CCNB3: variants seen among roughly 807,000 people sequenced by gnomAD.
The protein encoded by CCNB3 is cyclin B3, also known as G2/mitotic-specific cyclin-B3.
Under a neutral mutation model 68.0 loss-of-function variants are expected in CCNB3, and 12 were observed. That is an observed-to-expected ratio of 0.18 (90% CI 0.11 to 0.29). The LOEUF (loss-of-function observed/expected upper bound fraction) is 0.29, where lower values mean the gene tolerates loss of function less well. Ranked by LOEUF, CCNB3 falls within the 10% of genes least tolerant of loss-of-function variation. The pLI is 1.00. For missense variants in CCNB3, 904 were observed against 993.1 expected, an observed-to-expected ratio of 0.91 and a Z score of 1.21; for synonymous variants, 354 against 388.9, an observed-to-expected ratio of 0.91 and a Z score of 1.06.
chrX:50,209,589 C>G (rs1310731053), intron 1 of CCNB3, among the ~76,000 whole-genome samples: 85 of 111,823 alleles, frequency 7.6e-4, no homozygotes, highest in Non-Finnish European at 7.9e-4. Flanking sequence ...CTCCTGACCT[C>G]AAGTGATCCA....
At chrX:50,319,865 A>G (rs1557216323) in intron 8 of CCNB3, among the ~76,000 whole-genome samples, 1 of 111,619 alleles carries the variant, frequency 9.0e-6, no homozygotes, top group Non-Finnish European at 1.9e-5. Context: ...TCCTGCATCT[A>G]TTGATTTTTT....
chrX:50,321,278 G>A (rs191685007), intron 8 of CCNB3, among the ~76,000 whole-genome samples: 2 of 111,834 alleles, frequency 1.8e-5, no homozygotes, highest in East Asian at 2.8e-4. Flanking sequence ...AAATTTTAAT[G>A]TGTTATTTTA....
At position 50,287,997 on chromosome X, in the gene CCNB3, G is replaced by A. The variant is rs1041884629; in HGVS notation, c.97-783G>A. 1.2e-4 allele frequency among the ~76,000 whole-genome samples: 13 copies of A among 107,753 alleles called. 1 individual carries two copies. The highest frequency in any genetic ancestry group is 2.4e-4 in the African/African-American group (7 of 29,284). The allele number at this position is 107,753 out of a possible 115,157, so 93.6% of individuals were successfully genotyped here. ...CTCATGCGAGGGATCAAGGTTGCGC[G>A]CTCCTTATGAGAATCTAATGCCTTA... is the stretch of plus-strand genomic sequence containing the variant. On this transcript the variant is annotated intron_variant, in intron 3 of 12. Coordinates refer to ENST00000376042, the MANE Select transcript of CCNB3 (RefSeq NM_033031.3).
intron 5 of CCNB3, among the ~76,000 whole-genome samples, chrX:50,304,420 T>C (rs1936714421): frequency 8.9e-6 from 1 of 111,906 alleles, no homozygotes; most frequent in Non-Finnish European, 1.9e-5. Context: ...CCCTATTTAA[T>C]AAATGGTGCT....
At chrX:50,340,951 A>G (rs782538335) in intron 8 of CCNB3, among the ~76,000 whole-genome samples, 1 of 112,296 alleles carries the variant, frequency 8.9e-6, no homozygotes, top group South Asian at 3.7e-4. Flanking sequence ...ACAAATGAAA[A>G]TAGAAATACA....
chrX:50,311,509 C>T lies in CCNB3; in HGVS notation c.3327+13C>T. 1 of 1,113,892 alleles carries T rather than the reference C, an allele frequency of 9.0e-7. No homozygotes were observed. Among genetic ancestry groups the T allele is most frequent in the Non-Finnish European group, 1.2e-6 (1 of 820,724 alleles). 91.8% of individuals were successfully genotyped at this position (1,113,892 alleles called of 1,213,427 possible). The stretch of plus-strand genomic sequence containing the variant: ...AACACCAAAGGAGGTATTCATCTCC[C>T]TTTCTTCTTAAATTAGATAAATTGT... On this transcript the variant is annotated intron_variant, in intron 6 of 12. Transcript: ENST00000376042.
chrX:50,284,320 G>A (rs908726634), intron 1 of CCNB3, among the ~76,000 whole-genome samples: 4 of 110,960 alleles, frequency 3.6e-5, no homozygotes, highest in Admixed American at 2.9e-4. Flanking sequence ...CTATGTAAAC[G>A]GTGTTTCACT....
At chrX:50,286,614 T>G (rs1045474470) in intron 3 of CCNB3, among the ~76,000 whole-genome samples, 6 of 78,529 alleles carry the variant, frequency 7.6e-5, no homozygotes, top group Non-Finnish European at 1.5e-4. Context: ...CTCAGTTCGG[T>G]TTTTTTTTTT....
chrX:50,228,743 T>G (rs1402198589), intron 1 of CCNB3, among the ~76,000 whole-genome samples: 2 of 61,837 alleles, frequency 3.2e-5, no homozygotes, highest in East Asian at 4.7e-4. Flanking sequence ...TATAGAAACA[T>G]ATAGAATATA....
At chrX:50,219,430 C>T (rs1270149727) in intron 1 of CCNB3, among the ~76,000 whole-genome samples, 2 of 110,885 alleles carry the variant, frequency 1.8e-5, no homozygotes, top group African/African-American at 6.6e-5. Context: ...TTTAATCCAT[C>T]TTCAGTTAAT....
chrX:50,300,940 G>C lies in CCNB3; in HGVS notation c.335+5947G>C, dbSNP rs782100574. Among the ~76,000 whole-genome samples the C allele has an allele frequency of 1.1e-3, 120 of 111,571 alleles. 1 individual carries two copies. Among genetic ancestry groups the C allele is most frequent in the African/African-American group, 3.8e-3 (116 of 30,735 alleles). On this transcript the variant is annotated intron_variant, in intron 5 of 12. Coordinates refer to ENST00000376042, the MANE Select transcript of CCNB3 (RefSeq NM_033031.3). ...TTGATCGCCTTGTTTACTGAGGCTT[G>C]TGCATTCGTCACGTAGTTCTCGTGC...
rs190300767 is a variant in CCNB3 at position 50,319,324 on chromosome X, C to T, written c.3516+5376C>T. Among the ~76,000 whole-genome samples, 5 of 111,365 alleles carry T rather than the reference C, an allele frequency of 4.5e-5. No homozygotes were observed. In the Admixed American group the frequency reaches 4.8e-4, roughly 11 times the overall value. ...ATTTTCTTTGATTTATTTTTCTCAT[C>T]ATATAGATCCTATACATGTTTTGTT... On this transcript the variant is annotated intron_variant, in intron 8 of 12. Transcript: ENST00000376042.
In CCNB3 at chrX:50,310,730, C is replaced by A. The variant is rs1921387042; in HGVS notation, c.2561C>A (p.Ala854Asp). 8.3e-7 allele frequency: 1 copy of A among 1,208,200 alleles called. No homozygotes were observed. Among genetic ancestry groups the A allele is most frequent in the Non-Finnish European group, 1.1e-6 (1 of 894,666 alleles). The change falls in exon 6 of 13, where the codon GCT (alanine) becomes GAT (aspartate). Residue 854 changes from alanine (A) to aspartate (D), a missense_variant. By Grantham distance (126) the Ala-to-Asp change is moderately radical. Coordinates refer to ENST00000376042, the MANE Select transcript of CCNB3 (RefSeq NM_033031.3). ...AAGGAGCCCAGTGTTGACACAGAAG[C>A]TCACTTTAAGGAAACTTTGGCCTTG... ...VLKEPSVDTE[A>D]HFKETLALQE... is the part of the protein sequence containing the mutation.
At chrX:50,315,837 A>G (rs1921700049) in intron 8 of CCNB3, among the ~76,000 whole-genome samples, 1 of 111,278 alleles carries the variant, frequency 9.0e-6, no homozygotes, top group African/African-American at 3.3e-5. Flanking sequence ...CATTTCATGA[A>G]TGTTATATAA....
chrX:50,350,094 C>T (rs1275103933), intron 11 of CCNB3, among the ~76,000 whole-genome samples: 1 of 111,015 alleles, frequency 9.0e-6, no homozygotes, highest in African/African-American at 3.3e-5. Flanking sequence ...CATCTGTCTC[C>T]TCTACTAGAC....
At chrX:50,337,032 T>A (rs1490230791) in intron 8 of CCNB3, among the ~76,000 whole-genome samples, 2 of 110,851 alleles carry the variant, frequency 1.8e-5, no homozygotes, top group Non-Finnish European at 3.8e-5. Context: ...TCAGCAGAGG[T>A]GAAAGGTTGA....
rs374751350 is a variant in CCNB3 at position 50,310,545 on chromosome X, G to A, written c.2376G>A (p.Ala792=). The A allele has an allele frequency of 1.4e-4, 166 of 1,209,947 alleles. No individual in the cohort carries two copies. Among genetic ancestry groups the A allele is most frequent in the Non-Finnish European group, 1.7e-4 (151 of 895,028 alleles). ...CCTTGGAGGGGTATCCCAGCATTGC[G>A]GAGGGGGAGACCCTCTTCAAGAAGC... is the stretch of plus-strand genomic sequence containing the variant. ...PLALEGYPSI[A]EGETLFKKLL... Residue 792 remains alanine, a synonymous_variant, in exon 6 of 13, where the codon GCG becomes GCA. Transcript: ENST00000376042.
intron 1 of CCNB3, among the ~76,000 whole-genome samples, chrX:50,227,658 A>C (rs1171241129): frequency 4.8e-4 from 3 of 6,210 alleles, no homozygotes; most frequent in Non-Finnish European, 8.7e-4. Flanking sequence ...GAATATATAT[A>C]AAAATATATA....
intron 8 of CCNB3, among the ~76,000 whole-genome samples, chrX:50,336,917 C>G (rs1244035394): frequency 9.0e-6 from 1 of 111,578 alleles, no homozygotes; most frequent in African/African-American, 3.3e-5. Context: ...CAGCTGGTGG[C>G]AATCAGCCCA....
Sources: allele counts gnomAD v4.1 joint callset (sites outside exome capture counted in the v4.1 genomes callset), GRCh38; gene constraint gnomAD v4.1.1; transcripts MANE v1.5; gene names NCBI Gene and HGNC (gene_info 2026-07-23, HGNC 2026-07-21).